Variants in RABGGTA observed in about 807,000 individuals in gnomAD.
RABGGTA encodes Rab geranylgeranyltransferase subunit alpha, also known as geranylgeranyl transferase type-2 subunit alpha.
RABGGTA carries 69 observed loss-of-function variants against 83.3 expected under a neutral mutation model. The ratio of observed to expected loss-of-function variants is 0.83; its 90% CI spans 0.68 to 1.01. RABGGTA has a LOEUF of 1.01. RABGGTA is among the 50% of genes least tolerant of loss of function. The pLI is 0.00. For missense variants in RABGGTA, 681 were observed against 712.7 expected (o/e 0.96, Z 0.51); for synonymous variants, 310 against 299.8 (o/e 1.03, Z -0.35).
rs1330683599 is a variant in RABGGTA, at chr14:24,270,129, T to C, written c.251A>G (p.Glu84Gly). ...TTCTGCCTTCACCAGAGCAGCCAAC[T>C]CTTCAGGAGACCTGTACCCAGAAGG... ...QQLETQKSPE[E>G]LAALVKAELG... Residue 84 changes from glutamate (E) to glycine (G), a missense_variant, in exon 5 of 17, where the codon GAG (glutamate) becomes GGG (glycine). Transcript: ENST00000216840. The C allele has an allele frequency of 6.2e-7, 1 of 1,606,032 alleles. No individual in the cohort carries two copies. Among genetic ancestry groups the C allele is most frequent in the Non-Finnish European group, 8.5e-7 (1 of 1,176,642 alleles).
chr14:24,270,157 AG>A lies in RABGGTA; in HGVS notation c.240-18del, dbSNP rs58050348. On this transcript the variant is annotated intron_variant, in intron 4 of 16. Transcript: ENST00000216840. Reference sequence around the variant, plus strand: ...TCAGGAGACCTGTACCCAGAAGGGAAGGGGGGGGTCAGGGCTCTCCTACAGT... The same window carrying A: ...TCAGGAGACCTGTACCCAGAAGGGAAGGGGGGGTCAGGGCTCTCCTACAGT... The A allele has an allele frequency of 5.7e-4, 912 of 1,588,626 alleles. 3 individuals carry two copies. Among genetic ancestry groups the A allele is most frequent in the Non-Finnish European group, 7.0e-4 (822 of 1,166,496 alleles).
Position 24,268,422 on chromosome 14 carries a change from T to C in RABGGTA, c.1007-2A>G. On this transcript the variant is annotated splice_acceptor_variant, in intron 10 of 16. Transcript: ENST00000216840. LOFTEE classifies it high-confidence loss of function. ...CCCGGCACCAGCCCTCCTGGCGGCC[T>C]GGGGAAAGAGTAGGTGGTTGGAGGG... 6.2e-7 allele frequency: 1 copy of C among 1,613,646 alleles called. No individual in the cohort carries two copies. The highest frequency in any genetic ancestry group is 8.5e-7 in the Non-Finnish European group (1 of 1,179,882).
chr14:24,271,274 A>G, intron 1 of RABGGTA, 105 bp from the exon 2 acceptor site: 1 of 957,134 alleles, frequency 1.0e-6, no homozygotes, highest in East Asian at 2.7e-5. Context: ...CAGAGTGTAA[A>G]GAGGTCCTGG....
chr14:24,267,558 G>A (rs2040889036), intron 14 of RABGGTA, 102 bp downstream of exon 14: 1 of 856,352 alleles, frequency 1.2e-6, no homozygotes, highest in South Asian at 1.7e-5. Flanking sequence ...ACTCTATCTT[G>A]ATTGGAAGTC....
chr14:24,270,886 T>C lies in RABGGTA; in HGVS notation c.65A>G (p.Glu22Gly). The change falls in exon 3 of 17, where the codon GAG becomes GGG. Residue 22 changes from glutamate to glycine, a missense_variant. By Grantham distance (98) the Glu-to-Gly change is moderately conservative. Around this residue, in one of 5 missense-constraint regions of RABGGTA, gnomAD observed 115 missense variants for 111.5 expected, o/e 1.03. Coordinates refer to ENST00000216840, the MANE Select transcript of RABGGTA (RefSeq NM_182836.3). ...TGACTGGTATAGCTTCAGCTTCTGCTCTCGCTCTAGCCTTTTGGCCTCCGC... is the reference window on the plus strand; with the variant it reads ...TGACTGGTATAGCTTCAGCTTCTGCCCTCGCTCTAGCCTTTTGGCCTCCGC... ...EQAEAKRLEREQKLKLYQSAT... is the reference protein window; with the variant it reads ...EQAEAKRLERGQKLKLYQSAT... 1 of 1,614,026 alleles carries C rather than the reference T, an allele frequency of 6.2e-7. No individual in the cohort carries two copies. The highest frequency in any genetic ancestry group is 8.5e-7 in the Non-Finnish European group (1 of 1,179,890).
rs1306643969 is a variant in RABGGTA at position 24,270,888 on chromosome 14, T to C, written c.63A>G (p.Arg21=). The change falls in exon 3 of 17, where the codon CGA becomes CGG. Residue 21 remains arginine, a synonymous_variant. Coordinates refer to ENST00000216840, the MANE Select transcript of RABGGTA (RefSeq NM_182836.3). ...EEQAEAKRLE[R]EQKLKLYQSA... ...ACTGGTATAGCTTCAGCTTCTGCTCTCGCTCTAGCCTTTTGGCCTCCGCCT... is the reference window on the plus strand; with the variant it reads ...ACTGGTATAGCTTCAGCTTCTGCTCCCGCTCTAGCCTTTTGGCCTCCGCCT... 6.2e-7 allele frequency: 1 copy of C among 1,614,058 alleles called. No individual in the cohort carries two copies. Among genetic ancestry groups the C allele is most frequent in the East Asian group, 2.2e-5 (1 of 44,890 alleles).
At chr14:24,267,391 C>A (rs1056686603) in intron 14 of RABGGTA, among the ~76,000 whole-genome samples, 11 of 152,072 alleles carry the variant, frequency 7.2e-5, no homozygotes, top group Non-Finnish European at 1.5e-4. Flanking sequence ...AGTGGGCTAG[C>A]GGTCACTCTG....
At position 24,268,808 on chromosome 14, in the gene RABGGTA, T is replaced by C. The variant is rs2040906559; in HGVS notation, c.817A>G (p.Ile273Val). 4 of 1,569,334 alleles carry C rather than the reference T, an allele frequency of 2.5e-6. No homozygotes were observed. The highest frequency in any genetic ancestry group is 2.4e-5 in the East Asian group (1 of 42,196). The part of the protein sequence containing the change: ...RPLLVGSRME[I>V]LLLMVDDSPL... Reference sequence around the variant, plus strand: ...GAATCATCAACCATGAGCAGCAAGATCTCCATCCTGGAGCCCACCTGGCAC... The same window carrying C: ...GAATCATCAACCATGAGCAGCAAGACCTCCATCCTGGAGCCCACCTGGCAC... Residue 273 changes from isoleucine (I) to valine (V), a missense_variant, in exon 9 of 17, where the codon ATC becomes GTC. Coordinates refer to ENST00000216840, the MANE Select transcript of RABGGTA (RefSeq NM_182836.3).
At chr14:24,267,803 T>C in intron 13 of RABGGTA, 27 bp from the exon 14 acceptor site, 2 of 1,610,720 alleles carry the variant, frequency 1.2e-6, no homozygotes, top group Middle Eastern at 1.9e-4. Context: ...GGGCAGGGTA[T>C]GCATGTCAGC....
chr14:24,268,363 C>A lies in RABGGTA; in HGVS notation c.1058+6G>T, dbSNP rs768032610. 1 of 1,613,052 alleles carries A rather than the reference C, an allele frequency of 6.2e-7. No homozygotes were observed. Among genetic ancestry groups the A allele is most frequent in the South Asian group, 1.1e-5 (1 of 91,054 alleles). On this transcript the variant is annotated splice_donor_region_variant and intron_variant, in intron 11 of 16. Coordinates refer to ENST00000216840, the MANE Select transcript of RABGGTA (RefSeq NM_182836.3). ...CTCTCCTTGTTTTGTGCTTCCCTAT[C>A]ACCACCTGAATAGCTGCTCGTCTGT...
rs754380633 is a variant in RABGGTA at position 24,270,158 on chromosome 14, G to GC, written c.240-19_240-18insG. ...CAGGAGACCTGTACCCAGAAGGGAA[G>GC]GGGGGGGTCAGGGCTCTCCTACAGT... On this transcript the variant is annotated intron_variant, in intron 4 of 16. Transcript: ENST00000216840. 1.6e-5 allele frequency: 25 copies of GC among 1,539,664 alleles called. No individual in the cohort carries two copies. In the Admixed American group the frequency reaches 2.2e-4, roughly 14 times the overall value.
In RABGGTA at chr14:24,269,121, T is replaced by A. The variant is rs1223313793; in HGVS notation, c.674A>T (p.Asp225Val). ...VQNAFFTDPN[D>V]QSAWFYHRWL... Reference sequence around the variant, plus strand: ...ACGGTGATAAAACCAGGCACTCTGGTCATTGGGGTCAGTGAAGAAGGCATT... The same window carrying A: ...ACGGTGATAAAACCAGGCACTCTGGACATTGGGGTCAGTGAAGAAGGCATT... Residue 225 changes from aspartate to valine, a missense_variant, in exon 7 of 17, where the codon GAC becomes GTC. Coordinates refer to ENST00000216840, the MANE Select transcript of RABGGTA (RefSeq NM_182836.3). 4 of 1,611,838 alleles carry A rather than the reference T, an allele frequency of 2.5e-6. No homozygotes were observed. Among genetic ancestry groups the A allele is most frequent in the Non-Finnish European group, 8.5e-7 (1 of 1,178,978 alleles).
chr14:24,266,231 A>G (rs1377967276), intron 16 of RABGGTA, among the ~76,000 whole-genome samples, 199 bp downstream of exon 16: 2 of 152,198 alleles, frequency 1.3e-5, no homozygotes, highest in Non-Finnish European at 2.9e-5. Flanking sequence ...GACTTGAGGA[A>G]GTCCACTCCG....
At chr14:24,270,274 A>C (rs2295311) in intron 4 of RABGGTA, 60 bp downstream of exon 4, 1 of 1,597,646 alleles carries the variant, frequency 6.3e-7, no homozygotes, top group South Asian at 1.1e-5. Context: ...CCACCCCTAG[A>C]CCCAGGCAGT....
chr14:24,266,417 G>C lies in RABGGTA; in HGVS notation c.1555+13C>G. ...TTACCCACTGTCTGAAAGGCACCCA[G>C]AAGGAAGGATACGGTTGTTGCACAG... On this transcript the variant is annotated intron_variant, in intron 16 of 16. Transcript: ENST00000216840. The C allele has an allele frequency of 6.2e-7, 1 of 1,613,666 alleles. No homozygotes were observed. Among genetic ancestry groups the C allele is most frequent in the Non-Finnish European group, 8.5e-7 (1 of 1,179,582 alleles).
chr14:24,266,891 TG>T lies in RABGGTA; in HGVS notation c.1354-3del, dbSNP rs749392479. ...CAGATGGCAGAGCACTGTCAGATCCTGGGGGGTGAAGGGAGGAAGGAGGTGA... is the reference window on the plus strand; with the variant it reads ...CAGATGGCAGAGCACTGTCAGATCCTGGGGGTGAAGGGAGGAAGGAGGTGA... On this transcript the variant is annotated splice_region_variant and splice_polypyrimidine_tract_variant and intron_variant, in intron 14 of 16. Coordinates refer to ENST00000216840, the MANE Select transcript of RABGGTA (RefSeq NM_182836.3). 3.1e-6 allele frequency: 5 copies of T among 1,610,942 alleles called. No homozygotes were observed. The African/African-American group carries it at 5.3e-5, about 17-fold the overall frequency.
At position 24,269,427 on chromosome 14, in the gene RABGGTA, T is replaced by A. The variant is rs977333383; in HGVS notation, c.631+64A>T. ...CTGAGTGACAGGTTCAGGAACAGGG[T>A]CAGGCATGGGGGCTGGAAGGGTGGC... is the stretch of plus-strand genomic sequence containing the variant. On this transcript the variant is annotated intron_variant, in intron 6 of 16. Coordinates refer to ENST00000216840, the MANE Select transcript of RABGGTA (RefSeq NM_182836.3). 2.1e-5 allele frequency: 31 copies of A among 1,501,354 alleles called. No individual in the cohort carries two copies. The East Asian group carries it at 7.0e-4, about 34-fold the overall frequency. 93.0% of individuals were successfully genotyped at this position (1,501,354 alleles called of 1,614,324 possible).
intron 14 of RABGGTA, 118 bp from the exon 15 acceptor site, chr14:24,267,007 G>A: frequency 1.4e-6 from 1 of 720,846 alleles, no homozygotes; most frequent in Non-Finnish European, 2.4e-6. Flanking sequence ...GGGGACCCCA[G>A]CCAAGAAGAG....
At chr14:24,267,030 TG>T (rs1244411084) in intron 14 of RABGGTA, 141 bp from the exon 15 acceptor site, 1 of 657,046 alleles carries the variant, frequency 1.5e-6, no homozygotes, top group Non-Finnish European at 2.7e-6. Context: ...TGGGAGCATG[TG>T]GGAAGCTGAC....
Sources: gnomAD v4.1 joint callset for allele counts (sites outside exome capture counted in the v4.1 genomes callset) on GRCh38, gnomAD v4.1.1 for gene constraint, gnomAD v4.1.1 regional missense constraint, MANE v1.5 for transcripts, NCBI Gene and HGNC (gene_info 2026-07-23, HGNC 2026-07-21) for gene names.